The following CNTNAP5 variants were observed in gnomAD, a reference collection of about 807,000 sequenced individuals.
CNTNAP5 encodes contactin associated protein family member 5.
A neutral mutation model predicts 150.2 loss-of-function variants in CNTNAP5; 72 were observed. The observed-to-expected ratio is 0.48, with a 90% CI of 0.40 to 0.58. The LOEUF is 0.58. CNTNAP5 is among the 20% of genes least tolerant of loss of function. The pLI, the probability that CNTNAP5 is intolerant of heterozygous loss-of-function variation, is 0.00. For missense variants in CNTNAP5, 1,636 were observed against 1,626.2 expected (o/e 1.01, Z -0.10); for synonymous variants, 672 against 619.8 (o/e 1.08, Z -1.25).
At chr2:124,625,468 G>A (rs1677701822) in intron 12 of CNTNAP5, among the ~76,000 whole-genome samples, 2 of 148,884 alleles carry the variant, frequency 1.3e-5, no homozygotes, top group South Asian at 4.1e-4. Context: ...AGTATACATA[G>A]TATAGTAGTG....
At chr2:124,795,943 T>C (rs1418442141) in intron 18 of CNTNAP5, among the ~76,000 whole-genome samples, 1 of 152,126 alleles carries the variant, frequency 6.6e-6, no homozygotes, top group Non-Finnish European at 1.5e-5. Flanking sequence ...AGAATCATCA[T>C]GGTCACTAGA....
At chr2:124,643,947 A>C (rs1250360643) in intron 12 of CNTNAP5, among the ~76,000 whole-genome samples, 1 of 152,178 alleles carries the variant, frequency 6.6e-6, no homozygotes, top group Non-Finnish European at 1.5e-5. Context: ...AGAAGTAATA[A>C]TTTCATCAGG....
intron 13 of CNTNAP5, among the ~76,000 whole-genome samples, chr2:124,704,221 C>T (rs1353927426): frequency 6.6e-6 from 1 of 152,172 alleles, no homozygotes; most frequent in South Asian, 2.1e-4. Context: ...CTGGTGGCCT[C>T]AGCTTAGACT....
At chr2:124,398,748 T>G (rs1272670302) in intron 3 of CNTNAP5, among the ~76,000 whole-genome samples, 2 of 152,198 alleles carry the variant, frequency 1.3e-5, no homozygotes, top group Non-Finnish European at 2.9e-5. Context: ...CCCAAAATGC[T>G]GGGATTACGG....
intron 19 of CNTNAP5, among the ~76,000 whole-genome samples, chr2:124,803,714 C>T (rs745821386): frequency 2.7e-4 from 41 of 152,084 alleles, no homozygotes; most frequent in Admixed American, 9.2e-4. Flanking sequence ...TGATGAACTG[C>T]GACATTTTAT....
intron 13 of CNTNAP5, among the ~76,000 whole-genome samples, chr2:124,713,318 C>CTTTCTTT (rs1553434509): frequency 3.4e-4 from 15 of 43,960 alleles, no homozygotes; most frequent in African/African-American, 7.8e-4. Context: ...CTCTTTCTTT[C>CTTTCTTT]CTTTCTTTCT....
chr2:124,051,328 T>C (rs999483832), intron 1 of CNTNAP5, among the ~76,000 whole-genome samples: 6 of 152,204 alleles, frequency 3.9e-5, no homozygotes, highest in African/African-American at 1.4e-4. Context: ...ATTGACAGCA[T>C]GGCCTGCTTA....
chr2:124,875,842 A>T (rs1198632779), intron 21 of CNTNAP5, among the ~76,000 whole-genome samples: 2 of 151,896 alleles, frequency 1.3e-5, no homozygotes, highest in Non-Finnish European at 2.9e-5. Flanking sequence ...AGTGTGACTC[A>T]TTATCAATTA....
chr2:124,617,569 C>T (rs1432578715), intron 12 of CNTNAP5, among the ~76,000 whole-genome samples: 1 of 152,098 alleles, frequency 6.6e-6, no homozygotes, highest in African/African-American at 2.4e-5. Flanking sequence ...TACAAGGATA[C>T]CCTTCATACT....
intron 13 of CNTNAP5, among the ~76,000 whole-genome samples, chr2:124,699,792 T>TTTTC (rs796957143): frequency 1.7e-4 from 25 of 149,818 alleles, no homozygotes; most frequent in African/African-American, 5.4e-4. Flanking sequence ...CCTTTCTTTC[T>TTTTC]TTTCTTTCTT....
chr2:124,431,393 A>C (rs558046489), intron 4 of CNTNAP5, among the ~76,000 whole-genome samples: 5 of 151,920 alleles, frequency 3.3e-5, no homozygotes, highest in African/African-American at 1.2e-4. Context: ...AGCCAAGTAC[A>C]CTGGAGTATG....
chr2:124,868,483 A>G (rs915764911), intron 20 of CNTNAP5, among the ~76,000 whole-genome samples: 2 of 152,076 alleles, frequency 1.3e-5, no homozygotes, highest in Non-Finnish European at 2.9e-5. Flanking sequence ...CTGCACTCAA[A>G]TGATTCAAAA....
At chr2:124,562,054 T>C (rs1695906556) in intron 10 of CNTNAP5, among the ~76,000 whole-genome samples, 1 of 152,230 alleles carries the variant, frequency 6.6e-6, no homozygotes, top group South Asian at 2.1e-4. Flanking sequence ...TATCTCTTAA[T>C]GGTGGCAGTA....
intron 19 of CNTNAP5, among the ~76,000 whole-genome samples, chr2:124,814,075 T>C (rs1376671047): frequency 6.6e-6 from 1 of 152,012 alleles, no homozygotes; most frequent in East Asian, 1.9e-4. Context: ...CTCTAAACTC[T>C]CCTCAATCCC....
chr2:124,843,318 G>T (rs1009349050), intron 19 of CNTNAP5, among the ~76,000 whole-genome samples: 5 of 151,734 alleles, frequency 3.3e-5, no homozygotes, highest in East Asian at 1.9e-4. Context: ...CTGTATTTTT[G>T]CAATTGCAAA....
chr2:124,432,736 T>C (rs748569797), intron 4 of CNTNAP5, among the ~76,000 whole-genome samples: 1 of 152,108 alleles, frequency 6.6e-6, no homozygotes, highest in Non-Finnish European at 1.5e-5. Flanking sequence ...AGCCAAAACA[T>C]GACAGAAAAA....
intron 7 of CNTNAP5, among the ~76,000 whole-genome samples, chr2:124,486,463 T>A (rs988514723): frequency 6.6e-6 from 1 of 152,302 alleles, no homozygotes; most frequent in South Asian, 2.1e-4. Flanking sequence ...AACACTTTTT[T>A]AAATGTAAAA....
At chr2:124,372,432 A>T (rs138897499) in intron 3 of CNTNAP5, among the ~76,000 whole-genome samples, 1 of 152,190 alleles carries the variant, frequency 6.6e-6, no homozygotes, top group South Asian at 2.1e-4. Context: ...ACATATACAT[A>T]TATTGTATTT....
At chr2:124,400,669 G>GTT (rs760418441) in intron 3 of CNTNAP5, among the ~76,000 whole-genome samples, 3,928 of 83,342 alleles carry the variant, frequency 0.047, 107 homozygotes, top group African/African-American at 0.075. Context: ...TAAAGGCATT[G>GTT]TTTTTTTTTT....
Sources: allele counts gnomAD v4.1 joint callset (sites outside exome capture counted in the v4.1 genomes callset), GRCh38; gene constraint gnomAD v4.1.1; transcripts MANE v1.5; gene names NCBI Gene and HGNC (gene_info 2026-07-23, HGNC 2026-07-21).